Variants in ZDHHC2 observed in about 807,000 individuals in gnomAD.
The protein encoded by ZDHHC2 is palmitoyltransferase ZDHHC2.
A neutral mutation model predicts 55.6 loss-of-function variants in ZDHHC2; 51 were observed. The observed-to-expected ratio is 0.92, with a 90% CI of 0.73 to 1.16. The LOEUF (loss-of-function observed/expected upper bound fraction) is 1.16. ZDHHC2 is among the 50% of genes most tolerant of loss of function. The pLI, the probability that ZDHHC2 is intolerant of heterozygous loss-of-function variation, is 0.00. For missense variants in ZDHHC2, 491 were observed against 442.4 expected, an observed-to-expected ratio of 1.11 and a Z score of -0.99; for synonymous variants, 199 against 152.9, an observed-to-expected ratio of 1.30 and a Z score of -2.22.
chr8:17,215,454 G>A (rs1380426902), intron 11 of ZDHHC2, 105 bp downstream of exon 11: 1 of 863,602 alleles, frequency 1.2e-6, no homozygotes, highest in Non-Finnish European at 1.8e-6. Flanking sequence ...TTCTTAGTTT[G>A]GAGTCAGACT....
Position 17,224,138 on chromosome 8 carries a change from T to C in ZDHHC2, c.*3917T>C, listed in dbSNP as rs1046842317. On this transcript the variant is annotated 3_prime_UTR_variant, in exon 13 of 13. Coordinates refer to ENST00000262096, the MANE Select transcript of ZDHHC2 (RefSeq NM_016353.5). ...CAATCACCAACACCGCTGAGAATTG[T>C]TCTTATACCAGCAAAAAGTTCAAAT... 2 of 151,684 alleles carry C rather than the reference T, an allele frequency of 1.3e-5. No individual in the cohort carries two copies. The highest frequency in any genetic ancestry group is 3.0e-5 in the Non-Finnish European group (2 of 67,688). The allele number at this position is 151,684 out of a possible 1,614,324, so 9.4% of individuals were successfully genotyped here. A position where few individuals can be genotyped will look rare whatever the true frequency, so the allele number is the denominator to read the frequency against.
chr8:17,198,435 A>C lies in ZDHHC2; in HGVS notation c.476+22A>C, dbSNP rs747062539. 1.9e-6 allele frequency: 3 copies of C among 1,590,318 alleles called. 1 individual carries two copies. In the South Asian group the frequency reaches 3.5e-5, roughly 19 times the overall value. On this transcript the variant is annotated intron_variant, in intron 6 of 12. Transcript: ENST00000262096. ...CATGGTGAGTTGGCTGTATATTTAA[A>C]CAAGTTTGTGTCCCTTGTAAATGTT...
intron 6 of ZDHHC2, among the ~76,000 whole-genome samples, chr8:17,204,876 A>AT (rs1807019065): frequency 6.6e-6 from 1 of 152,244 alleles, no homozygotes; most frequent in Admixed American, 6.5e-5. Context: ...AAGTGAGCCT[A>AT]TAAAAATGAA....
At chr8:17,189,084 C>G (rs1326014844) in intron 3 of ZDHHC2, among the ~76,000 whole-genome samples, 1 of 148,574 alleles carries the variant, frequency 6.7e-6, no homozygotes, top group Non-Finnish European at 1.5e-5. Context: ...AGCCTCTTAA[C>G]AGGTTTCTTT....
At chr8:17,160,335 T>C (rs1284101065) in intron 1 of ZDHHC2, among the ~76,000 whole-genome samples, 2 of 152,250 alleles carry the variant, frequency 1.3e-5, no homozygotes, top group African/African-American at 4.8e-5. Flanking sequence ...GCAGGTGCTA[T>C]GGGACGTTTA....
chr8:17,195,532 T>C lies in ZDHHC2; in HGVS notation c.281T>C (p.Leu94Ser). Residue 94 changes from leucine (L) to serine (S), a missense_variant, in exon 4 of 13, where the codon TTG becomes TCG. By Grantham distance (145) the Leu-to-Ser change is moderately radical (BLOSUM62 -2). Coordinates refer to ENST00000262096, the MANE Select transcript of ZDHHC2 (RefSeq NM_016353.5). ...CATCTCTCTTATGCAGAGAAAGATT[T>C]GTTGGAGAGAGAGCCAAGAGGAGAA... Reference protein sequence around the residue: ...EFHLSYAEKDLLEREPRGEAH... With the variant: ...EFHLSYAEKDSLEREPRGEAH... 1 of 1,613,798 alleles carries C rather than the reference T, an allele frequency of 6.2e-7. No individual in the cohort carries two copies.
chr8:17,208,981 C>T (rs1161066608), intron 8 of ZDHHC2, among the ~76,000 whole-genome samples: 1 of 152,100 alleles, frequency 6.6e-6, no homozygotes, highest in Non-Finnish European at 1.5e-5. Context: ...TTCATAGTGC[C>T]TAACTCTGCT....
At chr8:17,171,710 A>T (rs911581992) in intron 1 of ZDHHC2, among the ~76,000 whole-genome samples, 1 of 151,814 alleles carries the variant, frequency 6.6e-6, no homozygotes, top group Non-Finnish European at 1.5e-5. Context: ...GAATTCCGCC[A>T]CGTGTGACAA....
chr8:17,198,308 T>C (rs1470436818), intron 5 of ZDHHC2, 73 bp from the exon 6 acceptor site: 10 of 1,379,958 alleles, frequency 7.2e-6, no homozygotes, highest in East Asian at 5.4e-5. Flanking sequence ...CTAACCATAA[T>C]TTATATTTTT....
At chr8:17,187,887 T>C (rs1295061780) in intron 3 of ZDHHC2, among the ~76,000 whole-genome samples, 1 of 152,168 alleles carries the variant, frequency 6.6e-6, no homozygotes, top group Non-Finnish European at 1.5e-5. Context: ...ATACAAAACA[T>C]CAAAAACAGA....
At chr8:17,203,486 G>A (rs550672967) in intron 6 of ZDHHC2, among the ~76,000 whole-genome samples, 8 of 152,056 alleles carry the variant, frequency 5.3e-5, no homozygotes, top group South Asian at 2.1e-4. Flanking sequence ...TGCCTGCCTC[G>A]GCCCCCTAAA....
At chr8:17,215,385 T>C (rs1380452343) in intron 11 of ZDHHC2, 36 bp downstream of exon 11, 2 of 1,515,898 alleles carry the variant, frequency 1.3e-6, no homozygotes, top group Admixed American at 2.0e-5. Context: ...TTTTGACATA[T>C]TTTATTTTTA....
intron 1 of ZDHHC2, among the ~76,000 whole-genome samples, chr8:17,167,104 A>G (rs770629546): frequency 6.6e-6 from 1 of 152,110 alleles, no homozygotes; most frequent in African/African-American, 2.4e-5. Flanking sequence ...AACACGTACT[A>G]ACATTTGGGA....
chr8:17,194,431 G>T (rs1013985127), intron 3 of ZDHHC2, among the ~76,000 whole-genome samples: 1 of 150,714 alleles, frequency 6.6e-6, no homozygotes, highest in Non-Finnish European at 1.5e-5. Context: ...AGCAGCCACC[G>T]AGCCAGTATG....
intron 3 of ZDHHC2, among the ~76,000 whole-genome samples, chr8:17,191,196 G>C (rs1291189884): frequency 6.6e-6 from 1 of 151,382 alleles, no homozygotes; most frequent in Non-Finnish European, 1.5e-5. Flanking sequence ...TCCTGACCTC[G>C]TGATCCGCCC....
intron 3 of ZDHHC2, among the ~76,000 whole-genome samples, chr8:17,193,748 A>T (rs1239251834): frequency 6.6e-6 from 1 of 151,976 alleles, no homozygotes; most frequent in African/African-American, 2.4e-5. Context: ...TTTTAAATGT[A>T]ATAGTCCATC....
chr8:17,167,604 G>C (rs1804667219), intron 1 of ZDHHC2, among the ~76,000 whole-genome samples: 1 of 151,944 alleles, frequency 6.6e-6, no homozygotes, highest in African/African-American at 2.4e-5. Context: ...CCACAAGCTG[G>C]TAATATTTTT....
At chr8:17,214,541 T>C (rs1463362461) in intron 10 of ZDHHC2, among the ~76,000 whole-genome samples, 4 of 152,218 alleles carry the variant, frequency 2.6e-5, no homozygotes, top group African/African-American at 7.2e-5. Flanking sequence ...TTGGCACTTA[T>C]GCTTTTTTTA....
chr8:17,200,089 G>A (rs1230345472), intron 6 of ZDHHC2, among the ~76,000 whole-genome samples: 2 of 152,062 alleles, frequency 1.3e-5, no homozygotes, highest in Admixed American at 6.6e-5. Flanking sequence ...TTCATTTGTT[G>A]ACTTCCCCTG....
Sources: allele counts gnomAD v4.1 joint callset (sites outside exome capture counted in the v4.1 genomes callset), GRCh38; gene constraint gnomAD v4.1.1; transcripts MANE v1.5; gene names NCBI Gene and HGNC (gene_info 2026-07-23, HGNC 2026-07-21).